The following RASEF variants were observed in gnomAD, a reference collection of about 807,000 sequenced individuals.
RASEF encodes ras and EF-hand domain-containing protein.
Under a neutral mutation model 90.1 loss-of-function variants are expected in RASEF, and 68 were observed. The observed-to-expected ratio is 0.75, with a 90% CI of 0.62 to 0.92. The LOEUF is 0.92. Ranked by LOEUF, RASEF falls within the 40% of genes least tolerant of loss-of-function variation. The pLI, the probability that RASEF is intolerant of heterozygous loss-of-function variation, is 0.00. For missense variants in RASEF, 949 were observed against 937.2 expected (o/e 1.01, Z -0.16); for synonymous variants, 331 against 345.2 (o/e 0.96, Z 0.46).
At chr9:83,133,970 A>T in the RASEF span, among the ~76,000 whole-genome samples, 1 of 152,122 alleles carries the variant, frequency 6.6e-6, no homozygotes, top group African/African-American at 2.4e-5. Flanking sequence ...TTACATAGAG[A>T]TCACACTTAT....
upstream of RASEF, chr9:83,063,259 G>T: frequency 5.0e-6 from 1 of 200,764 alleles, no homozygotes; most frequent in East Asian, 1.3e-4. Context: ...GGAGTCCACC[G>T]CTGCTTGCCG....
intron 1 of RASEF, among the ~76,000 whole-genome samples, chr9:83,052,873 C>T (rs1587525067): frequency 6.8e-6 from 1 of 147,736 alleles, no homozygotes; most frequent in Non-Finnish European, 1.5e-5. Flanking sequence ...ATTCTTAATC[C>T]TGAGTTCTAG....
At chr9:83,095,503 CAG>C in the RASEF span, among the ~76,000 whole-genome samples, 1 of 149,026 alleles carries the variant, frequency 6.7e-6, no homozygotes, top group Non-Finnish European at 1.5e-5. Flanking sequence ...GAAGGTAAAC[CAG>C]AGAGGAAGAA....
At chr9:83,022,259 A>G in intron 3 of RASEF, 77 bp downstream of exon 3, 1 of 1,067,430 alleles carries the variant, frequency 9.4e-7, no homozygotes, top group Non-Finnish European at 1.5e-6. Flanking sequence ...CATGACACCC[A>G]GAAGAGTGCC....
At position 83,009,760 on chromosome 9, in the gene RASEF, G is replaced by A. The variant is rs375420372; in HGVS notation, c.844-4C>T. 173 of 1,589,206 alleles carry A rather than the reference G, an allele frequency of 1.1e-4. No individual in the cohort carries two copies. Among genetic ancestry groups the A allele is most frequent in the Non-Finnish European group, 1.5e-4 (171 of 1,157,822 alleles). On this transcript the variant is annotated splice_region_variant and splice_polypyrimidine_tract_variant and intron_variant, in intron 5 of 16. Transcript: ENST00000376447. ...CTTTCTTAACTTTCTGGTTTTCCTG[G>A]ATAAAATGAAAAGTGGGGGTCATTA...
the RASEF span, among the ~76,000 whole-genome samples, chr9:83,216,945 ACCAG>A: frequency 1.3e-5 from 2 of 152,140 alleles, no homozygotes; most frequent in African/African-American, 4.8e-5. Context: ...AACACTCAAC[ACCAG>A]CTGTGAAAGC....
At chr9:83,145,813 T>C in the RASEF span, among the ~76,000 whole-genome samples, 1 of 152,102 alleles carries the variant, frequency 6.6e-6, no homozygotes, top group African/African-American at 2.4e-5. Flanking sequence ...TATTAAGATG[T>C]TTAATTTCAC....
At chr9:83,161,235 C>T in the RASEF span, among the ~76,000 whole-genome samples, 2 of 152,154 alleles carry the variant, frequency 1.3e-5, no homozygotes, top group East Asian at 1.9e-4. Flanking sequence ...ATGCTGAATG[C>T]CAGCCCATGA....
chr9:83,110,381 T>TA, the RASEF span, among the ~76,000 whole-genome samples: 1 of 152,062 alleles, frequency 6.6e-6, no homozygotes, highest in Non-Finnish European at 1.5e-5. Context: ...ATTTATTTTT[T>TA]AAAAAACCCC....
At chr9:83,087,532 C>A in the RASEF span, among the ~76,000 whole-genome samples, 7 of 151,164 alleles carry the variant, frequency 4.6e-5, no homozygotes, top group African/African-American at 1.7e-4. Context: ...AGGAATGTTT[C>A]CATTTCATAT....
At chr9:83,109,498 T>C in the RASEF span, among the ~76,000 whole-genome samples, 1 of 152,208 alleles carries the variant, frequency 6.6e-6, no homozygotes, top group Non-Finnish European at 1.5e-5. Context: ...GCAGACGTCA[T>C]TTAATGAGGA....
At chr9:83,203,818 A>G in the RASEF span, among the ~76,000 whole-genome samples, 2 of 152,292 alleles carry the variant, frequency 1.3e-5, no homozygotes, top group African/African-American at 4.8e-5. Context: ...GCATGGTGCC[A>G]GCAGAACTAA....
the RASEF span, among the ~76,000 whole-genome samples, chr9:83,107,336 T>G: frequency 6.6e-6 from 1 of 152,190 alleles, no homozygotes; most frequent in South Asian, 2.1e-4. Flanking sequence ...CATCTATTTT[T>G]CTTATCCAAT....
intron 1 of RASEF, among the ~76,000 whole-genome samples, chr9:83,038,955 T>C (rs576606735): frequency 6.6e-6 from 1 of 152,300 alleles, no homozygotes; most frequent in East Asian, 1.9e-4. Context: ...ATATGTAACT[T>C]TTCAACAAGG....
upstream of RASEF, among the ~76,000 whole-genome samples, chr9:83,066,504 G>T (rs930916975): frequency 2.6e-5 from 4 of 152,186 alleles, no homozygotes; most frequent in African/African-American, 9.7e-5. Flanking sequence ...GAAATAGGAG[G>T]TGCTTCTTTT....
At chr9:83,133,047 C>G in the RASEF span, among the ~76,000 whole-genome samples, 1 of 152,156 alleles carries the variant, frequency 6.6e-6, no homozygotes, top group African/African-American at 2.4e-5. Context: ...GCTTAACAAA[C>G]ATTTCGATGC....
the RASEF span, among the ~76,000 whole-genome samples, chr9:83,087,064 A>G: frequency 6.6e-6 from 1 of 152,208 alleles, no homozygotes; most frequent in Non-Finnish European, 1.5e-5. Context: ...CAAGTACTTT[A>G]TCACATTTTC....
At chr9:83,164,607 ACC>A in the RASEF span, among the ~76,000 whole-genome samples, 1 of 150,490 alleles carries the variant, frequency 6.6e-6, no homozygotes, top group Admixed American at 6.6e-5. Context: ...AATTAGAACC[ACC>A]AAGGAAAAAA....
chr9:83,066,278 G>C (rs1039707668), upstream of RASEF, among the ~76,000 whole-genome samples: 1 of 152,094 alleles, frequency 6.6e-6, no homozygotes, highest in African/African-American at 2.4e-5. Flanking sequence ...CCATTTCCCA[G>C]CTTAAGTAAA....
Sources: gnomAD v4.1 joint callset for allele counts (sites outside exome capture counted in the v4.1 genomes callset) on GRCh38, gnomAD v4.1.1 for gene constraint, MANE v1.5 for transcripts, NCBI Gene and HGNC (gene_info 2026-07-23, HGNC 2026-07-21) for gene names.